Variants in DNAH5 observed in about 807,000 individuals in gnomAD.
DNAH5 encodes dynein axonemal heavy chain 5.
Under a neutral mutation model 518.2 loss-of-function variants are expected in DNAH5, and 372 were observed. The observed-to-expected ratio is 0.72, with a 90% confidence interval of 0.66 to 0.78. DNAH5 has a LOEUF of 0.78. DNAH5 is among the 30% of genes least tolerant of loss of function. The pLI is 0.00. For missense variants in DNAH5, 5,523 were observed against 5,687.0 expected (o/e 0.97, Z 0.93); for synonymous variants, 2,039 against 2,025.9 (o/e 1.01, Z -0.17).
chr5:13,928,237 A>T, intron 2 of DNAH5, 59 bp from the exon 3 acceptor site: 1 of 1,285,034 alleles, frequency 7.8e-7, no homozygotes, highest in Admixed American at 1.7e-5. Context: ...ACTGCAATTA[A>T]ATCAGCATTA....
rs780571020 is a variant in DNAH5 at position 13,700,841 on chromosome 5, G to C, written c.13522C>G (p.Leu4508Val). The C allele has an allele frequency of 6.2e-7, 1 of 1,614,090 alleles. No individual in the cohort carries two copies. Among genetic ancestry groups the C allele is most frequent in the South Asian group, 1.1e-5 (1 of 91,078 alleles). Residue 4508 changes from leucine to valine, a missense_variant, in exon 78 of 79, where the codon CTG becomes GTG. Coordinates refer to ENST00000265104, the MANE Select transcript of DNAH5 (RefSeq NM_001369.3). ...EITRANKGWA[L>V]DNMVLCNEVT... ...TCATTGCAAAGCACCATATTGTCCA[G>C]AGCCCAGCCTTTGTTGGCCCGAGTT... is the stretch of plus-strand genomic sequence containing the variant.
rs180758616 is a variant in DNAH5 at position 13,833,605 on chromosome 5, G to T, written c.5883-2830C>A. On this transcript the variant is annotated intron_variant, in intron 35 of 78. Coordinates refer to ENST00000265104, the MANE Select transcript of DNAH5 (RefSeq NM_001369.3). ...CAAACAAGGGAATGAGGGAGGTTAG[G>T]TGTCTTGTCCAACACTACACAGCTG... is the stretch of plus-strand genomic sequence containing the variant. Among the ~76,000 whole-genome samples the T allele has an allele frequency of 5.3e-5, 8 of 152,266 alleles. No individual in the cohort carries two copies. In the East Asian group the frequency reaches 1.4e-3, roughly 26 times the overall value.
At position 13,721,128 on chromosome 5, in the gene DNAH5, T is replaced by C. The variant is rs138162689; in HGVS notation, c.12151A>G (p.Met4051Val). Residue 4051 changes from methionine (M) to valine (V), a missense_variant, in exon 71 of 79, where the codon ATG (methionine) becomes GTG (valine). Physicochemically the swap from Met to Val is conservative, Grantham distance 21. Transcript: ENST00000265104. ...ATGGAATCTGTGGGGTCTGAGCCCA[T>C]AGACAGGAGACAGATGAGTGGCGTC... Reference protein sequence around the residue: ...PRTPLICLLSMGSDPTDSIIA... With the variant: ...PRTPLICLLSVGSDPTDSIIA... The C allele has an allele frequency of 2.4e-5, 39 of 1,613,986 alleles. 2 individuals are homozygous for C. The highest frequency in any genetic ancestry group is 1.3e-4 in the East Asian group (6 of 44,876).
Position 13,759,009 on chromosome 5 carries a change from G to A in DNAH5, c.10282-26C>T, listed in dbSNP as rs139141488. 7 of 1,613,850 alleles carry A rather than the reference G, an allele frequency of 4.3e-6. No individual in the cohort carries two copies. In the Admixed American group the frequency reaches 5.0e-5, roughly 12 times the overall value. On this transcript the variant is annotated intron_variant, in intron 60 of 78. Transcript: ENST00000265104. ...CTGCACAGGACACACACAGAGTGAA[G>A]AGATGGGCAGCCAACCTCAAAACAT...
intron 67 of DNAH5, 37 bp from the exon 68 acceptor site, chr5:13,735,358 T>A: frequency 6.3e-7 from 1 of 1,585,052 alleles, no homozygotes. Context: ...CTTATCCCAC[T>A]GCCCTTTTCA....
chr5:13,840,603 G>A (rs371864226), intron 34 of DNAH5, among the ~76,000 whole-genome samples: 2 of 152,118 alleles, frequency 1.3e-5, no homozygotes, highest in Admixed American at 1.3e-4. Flanking sequence ...GGTAAAAAGC[G>A]AAAAAGATGT....
chr5:13,972,206 C>A (rs768084018), intron 1 of DNAH5, among the ~76,000 whole-genome samples: 1 of 152,122 alleles, frequency 6.6e-6, no homozygotes, highest in Non-Finnish European at 1.5e-5. Context: ...TCCAGGCAGC[C>A]GGTGAGCAGG....
At chr5:13,990,459 G>A (rs568854856) in intron 1 of DNAH5, among the ~76,000 whole-genome samples, 9 of 151,946 alleles carry the variant, frequency 5.9e-5, no homozygotes, top group East Asian at 1.9e-4. Flanking sequence ...AGGCTGAGGC[G>A]GAAGAATGGC....
Position 13,814,817 on chromosome 5 carries a change from G to A in DNAH5, c.7018C>T (p.Pro2340Ser), listed in dbSNP as rs202082284. Residue 2340 changes from proline to serine, a missense_variant, in exon 43 of 79, where the codon CCA (proline) becomes TCA (serine). Transcript: ENST00000265104. The stretch of plus-strand genomic sequence containing the variant: ...TTTTCAATCCAGATGGCATCTACTG[G>A]ACCATCAAGAATTATCCAGATATGT... The part of the protein sequence containing the change: ...GEHIWIILDG[P>S]VDAIWIENLN... 1.9e-6 allele frequency: 3 copies of A among 1,613,310 alleles called. No homozygotes were observed. Among genetic ancestry groups the A allele is most frequent in the African/African-American group, 2.7e-5 (2 of 74,736 alleles).
At chr5:13,949,844 C>T (rs1035108487) in intron 1 of DNAH5, among the ~76,000 whole-genome samples, 5 of 152,184 alleles carry the variant, frequency 3.3e-5, no homozygotes, top group Non-Finnish European at 5.9e-5. Context: ...ATAATGTTGT[C>T]CTGGCTTTAG....
chr5:13,958,206 A>G (rs1280500445), intron 1 of DNAH5, among the ~76,000 whole-genome samples: 1 of 151,982 alleles, frequency 6.6e-6, no homozygotes, highest in Non-Finnish European at 1.5e-5. Context: ...ATCTCTATTT[A>G]TTAATTTCAA....
At chr5:13,716,817 G>A (rs1744347325) in intron 73 of DNAH5, 127 bp from the exon 74 acceptor site, 3 of 735,780 alleles carry the variant, frequency 4.1e-6, no homozygotes, top group Non-Finnish European at 7.2e-6. Flanking sequence ...GTACTGCAAA[G>A]AGAAAGTGCA....
At chr5:13,909,367 C>A (rs1775711667) in intron 12 of DNAH5, among the ~76,000 whole-genome samples, 1 of 151,404 alleles carries the variant, frequency 6.6e-6, no homozygotes, top group South Asian at 2.1e-4. Context: ...GTGAATGTGG[C>A]CCCTCTCTCT....
intron 60 of DNAH5, among the ~76,000 whole-genome samples, chr5:13,759,336 A>G (rs899573189): frequency 6.6e-6 from 1 of 152,256 alleles, no homozygotes; most frequent in African/African-American, 2.4e-5. Flanking sequence ...CCATCCAAAT[A>G]TAGGTAGTGG....
chr5:13,752,313 C>T (rs1466159524), intron 63 of DNAH5, 24 bp from the exon 64 acceptor site: 4 of 1,613,572 alleles, frequency 2.5e-6, no homozygotes, highest in Non-Finnish European at 3.4e-6. Context: ...CACAAGGTTG[C>T]TATTGGCAGA....
intron 15 of DNAH5, chr5:13,898,864 T>G (rs1774230328): frequency 2.7e-6 from 1 of 369,176 alleles, no homozygotes; most frequent in Non-Finnish European, 4.8e-6. Flanking sequence ...GGTAGCAGCA[T>G]TTGCCACTGG....
At chr5:13,857,269 C>T (rs572064803) in intron 30 of DNAH5, among the ~76,000 whole-genome samples, 1 of 152,198 alleles carries the variant, frequency 6.6e-6, no homozygotes, top group Admixed American at 6.5e-5. Context: ...ACAATTGCTA[C>T]AAAGATAATA....
In DNAH5 at chr5:13,794,023, AC is replaced by A. The variant is rs1757448955; in HGVS notation, c.7922del (p.Gly2641ValfsTer12). 6.2e-7 allele frequency: 1 copy of A among 1,614,108 alleles called. No individual in the cohort carries two copies. The highest frequency in any genetic ancestry group is 8.5e-7 in the Non-Finnish European group (1 of 1,179,990). On this transcript the variant is annotated frameshift_variant, in exon 48 of 79. Coordinates refer to ENST00000265104, the MANE Select transcript of DNAH5 (RefSeq NM_001369.3). LOFTEE classifies it high-confidence loss of function. ...TTCCCGCAGGAGGGCCATATGTTGT[AC>A]CCATTCGTTTATCCACATAGCTCTC... ...TIESYVDKRM[G>X]TTYGPPAGKK...
chr5:13,758,714 G>T, intron 61 of DNAH5, 132 bp downstream of exon 61: 1 of 1,310,786 alleles, frequency 7.6e-7, no homozygotes, highest in Non-Finnish European at 1.1e-6. Context: ...TCTCATCAAA[G>T]ACCCTTGGTG....
Sources: gnomAD v4.1 joint callset for allele counts (sites outside exome capture counted in the v4.1 genomes callset) on GRCh38, gnomAD v4.1.1 for gene constraint, MANE v1.5 for transcripts, NCBI Gene and HGNC (gene_info 2026-07-23, HGNC 2026-07-21) for gene names.